Variants in NTSR2 observed in about 807,000 individuals in gnomAD.
NTSR2 encodes neurotensin receptor type 2.
A neutral mutation model predicts 24.1 loss-of-function variants in NTSR2; 22 were observed. The ratio of observed to expected loss-of-function variants is 0.91; its 90% CI spans 0.65 to 1.30. The LOEUF (loss-of-function observed/expected upper bound fraction) is 1.30, where lower values mean the gene tolerates loss of function less well. Among genes scored for constraint, NTSR2 ranks in the 50% most tolerant of loss-of-function variants. The pLI is 0.00. For synonymous variants in NTSR2, 291 were observed against 267.0 expected (o/e 1.09, Z -0.88); for missense variants, 570 against 570.4 (o/e 1.00, Z 0.01).
At chr2:11,658,935 C>A (rs1407701479) in intron 3 of NTSR2, among the ~76,000 whole-genome samples, 1 of 152,186 alleles carries the variant, frequency 6.6e-6, no homozygotes, top group Non-Finnish European at 1.5e-5. Flanking sequence ...CTCACTGCAA[C>A]CTCCGCCTTC....
chr2:11,659,457 G>A (rs899580886), intron 3 of NTSR2, among the ~76,000 whole-genome samples: 6 of 152,264 alleles, frequency 3.9e-5, no homozygotes, highest in Non-Finnish European at 8.8e-5. Context: ...CAAGTGTAAG[G>A]GGTGCTGGTG....
At chr2:11,660,450 T>C (rs1457674518) in intron 2 of NTSR2, among the ~76,000 whole-genome samples, 1 of 152,180 alleles carries the variant, frequency 6.6e-6, no homozygotes, top group African/African-American at 2.4e-5. Flanking sequence ...TACCAGGTTA[T>C]CTATCTGCAT....
chr2:11,661,219 A>G (rs908802741), intron 2 of NTSR2, among the ~76,000 whole-genome samples: 1 of 152,226 alleles, frequency 6.6e-6, no homozygotes, highest in African/African-American at 2.4e-5. Context: ...CCATTCTCCA[A>G]AGAGCTGAGC....
At chr2:11,665,077 TTTTTTTC>T (rs1306248680) in intron 1 of NTSR2, among the ~76,000 whole-genome samples, 15 of 149,698 alleles carry the variant, frequency 1.0e-4, no homozygotes, top group African/African-American at 3.0e-4. Flanking sequence ...TTTTTTTTTT[TTTTTTTC>T]CAAGCTTGTC....
intron 1 of NTSR2, among the ~76,000 whole-genome samples, chr2:11,664,297 T>C (rs112466176): frequency 0.045 from 6,900 of 152,184 alleles, 519 homozygotes; most frequent in African/African-American, 0.16. Context: ...TTGTATTTTG[T>C]GTAGAGATGG....
intron 1 of NTSR2, 46 bp downstream of exon 1, chr2:11,669,460 G>GGGGGGGGGCCCCCCCCCCCCC: frequency 3.9e-6 from 1 of 254,724 alleles, no homozygotes; most frequent in Non-Finnish European, 6.9e-6. Flanking sequence ...TCCCAGCACC[G>GGGGGGGGGCCCCCCCCCCCCC]CCCCCCCACC....
At chr2:11,665,083 T>C (rs200509111) in intron 1 of NTSR2, among the ~76,000 whole-genome samples, 9,372 of 91,902 alleles carry the variant, frequency 0.1, 428 homozygotes, top group Admixed American at 0.16. Context: ...TTTTTTTTTT[T>C]CCAAGCTTGT....
In NTSR2 at chr2:11,658,811, G is replaced by A. The variant is rs1660998021; in HGVS notation, c.990-89C>T. The A allele has an allele frequency of 1.5e-5, 22 of 1,456,996 alleles. No individual in the cohort carries two copies. The East Asian group carries it at 5.0e-4, about 33-fold the overall frequency. 90.3% of individuals were successfully genotyped at this position (1,456,996 alleles called of 1,614,324 possible). On this transcript the variant is annotated intron_variant, in intron 3 of 3. Coordinates refer to ENST00000306928, the MANE Select transcript of NTSR2 (RefSeq NM_012344.4). ...ACTGGAGAATGCCTCTCCTCCAGAG[G>A]GCTGCATGACGAAGCCTATTTTCTG...
chr2:11,669,009 G>A (rs1164336435), intron 1 of NTSR2, among the ~76,000 whole-genome samples: 2 of 152,194 alleles, frequency 1.3e-5, no homozygotes, highest in Admixed American at 6.5e-5. Flanking sequence ...AAGTGGCCTG[G>A]AGGAGGCAAG....
rs574216802 is a variant in NTSR2 at position 11,663,355 on chromosome 2, A to G, written c.625-1115T>C. 2.6e-5 allele frequency among the ~76,000 whole-genome samples: 4 copies of G among 152,334 alleles called. No homozygotes were observed. In the South Asian group the frequency reaches 6.2e-4, roughly 24 times the overall value. ...CTTCCCTATGGTCCCCCTGTGCACC[A>G]GAGAGCAACCAGTGGGACTGGAGCA... On this transcript the variant is annotated intron_variant, in intron 1 of 3. Transcript: ENST00000306928.
chr2:11,668,619 G>T (rs907265824), intron 1 of NTSR2, among the ~76,000 whole-genome samples: 50 of 152,228 alleles, frequency 3.3e-4, no homozygotes, highest in African/African-American at 1.2e-3. Flanking sequence ...GCCCAGCAGG[G>T]CCTGGAGGGG....
chr2:11,669,872 G>A lies in NTSR2; in HGVS notation c.258C>T (p.Gly86=). 3 of 1,585,504 alleles carry A rather than the reference G, an allele frequency of 1.9e-6. No individual in the cohort carries two copies. Among genetic ancestry groups the A allele is most frequent in the Non-Finnish European group, 2.6e-6 (3 of 1,172,498 alleles). Residue 86 remains glycine (G), a synonymous_variant, in exon 1 of 4, where the codon GGC becomes GGT. Coordinates refer to ENST00000306928, the MANE Select transcript of NTSR2 (RefSeq NM_012344.4). ...ALAGLLLLLV[G]VPVELYSFVW... Reference sequence around the variant, plus strand: ...CGAAGCTGTAGAGCTCCACCGGCACGCCGACCAGCAGCAGCAGCAGGCCCG... The same window carrying A: ...CGAAGCTGTAGAGCTCCACCGGCACACCGACCAGCAGCAGCAGCAGGCCCG...
At position 11,670,058 on chromosome 2, in the gene NTSR2, G is replaced by C; in HGVS notation, c.72C>G (p.Gly24=). The change falls in exon 1 of 4, where the codon GGC becomes GGG. Residue 24 remains glycine (G), a synonymous_variant. Transcript: ENST00000306928. ...CCTTGGCCCAGAGGCGAGTGTCCAC[G>C]CCCAGCCGGGCGTCCAGGCTCAGCC... The part of the protein sequence containing the change: ...NPGLSLDARL[G]VDTRLWAKVL... 1 of 1,473,642 alleles carries C rather than the reference G, an allele frequency of 6.8e-7. No individual in the cohort carries two copies. Among genetic ancestry groups the C allele is most frequent in the Non-Finnish European group, 8.9e-7 (1 of 1,119,424 alleles). 91.3% of individuals were successfully genotyped at this position (1,473,642 alleles called of 1,614,324 possible). A position where few individuals can be genotyped will look rare whatever the true frequency, so the allele number is the denominator to read the frequency against.
intron 1 of NTSR2, 46 bp downstream of exon 1, chr2:11,669,460 G>GGGGGGGGGGGGGGGGGGGCCCCCCCC: frequency 7.9e-6 from 2 of 254,726 alleles, no homozygotes; most frequent in Non-Finnish European, 1.4e-5. Context: ...TCCCAGCACC[G>GGGGGGGGGGGGGGGGGGGCCCCCCCC]CCCCCCCACC....
rs1052710462 is a variant in NTSR2 at position 11,658,416 on chromosome 2, C to T, written c.*63G>A. The T allele has an allele frequency of 1.0e-5, 16 of 1,526,684 alleles. No individual in the cohort carries two copies. In the South Asian group the frequency reaches 2.0e-4, roughly 19 times the overall value. The allele number at this position is 1,526,684 out of a possible 1,614,324, so 94.6% of individuals were successfully genotyped here. On this transcript the variant is annotated 3_prime_UTR_variant, in exon 4 of 4. Coordinates refer to ENST00000306928, the MANE Select transcript of NTSR2 (RefSeq NM_012344.4). ...AATGATTAGTGATGAGGTTGCTCAC[C>T]TGCTTTGCCAGGTGACTAAGCAGCT...
At chr2:11,667,771 T>G (rs904510665) in intron 1 of NTSR2, among the ~76,000 whole-genome samples, 1 of 152,182 alleles carries the variant, frequency 6.6e-6, no homozygotes, top group Non-Finnish European at 1.5e-5. Context: ...CCCTCCATAC[T>G]CCACATCCAC....
At chr2:11,662,654 G>A (rs527293644) in intron 1 of NTSR2, among the ~76,000 whole-genome samples, 17 of 152,230 alleles carry the variant, frequency 1.1e-4, no homozygotes, top group East Asian at 9.7e-4. Context: ...GGTAGCGGGC[G>A]CCTGTAGTCC....
In NTSR2 at chr2:11,658,649, G is replaced by GAGTCAC; in HGVS notation, c.1057_1062dup (p.Val353_Thr354dup). 6.2e-7 allele frequency: 1 copy of GAGTCAC among 1,614,182 alleles called. No individual in the cohort carries two copies. On this transcript the variant is annotated inframe_insertion, in exon 4 of 4. Transcript: ENST00000306928. The stretch of plus-strand genomic sequence containing the variant: ...GAGGACACGGCGTTGTAGAGAAGAG[G>GAGTCAC]AGTCACAGCTGAGCTGACGTAGAAA...
intron 3 of NTSR2, among the ~76,000 whole-genome samples, chr2:11,659,831 C>T (rs1028002912): frequency 1.2e-4 from 19 of 152,306 alleles, no homozygotes; most frequent in Non-Finnish European, 2.1e-4. Context: ...AGGCCTCTTA[C>T]GCACACGGCC....
Sources: allele counts gnomAD v4.1 joint callset (sites outside exome capture counted in the v4.1 genomes callset), GRCh38; gene constraint gnomAD v4.1.1; transcripts MANE v1.5; gene names NCBI Gene and HGNC (gene_info 2026-07-23, HGNC 2026-07-21).